MBNL1: variants seen among roughly 807,000 people sequenced by gnomAD.
The protein encoded by MBNL1 is muscleblind like splicing regulator 1.
MBNL1 carries 8 observed loss-of-function variants against 42.2 expected under a neutral mutation model. The ratio of observed to expected loss-of-function variants is 0.19; its 90% CI spans 0.11 to 0.34. The LOEUF (loss-of-function observed/expected upper bound fraction) is 0.34, where lower values mean the gene tolerates loss of function less well. MBNL1 is among the 10% of genes least tolerant of loss of function. MBNL1 has a pLI of 1.00. For missense variants in MBNL1, 309 were observed against 495.3 expected (o/e 0.62, Z 3.57); for synonymous variants, 169 against 173.9 (o/e 0.97, Z 0.22).
At chr3:152,251,944 A>C (rs1037097861) in intron 2 of MBNL1, among the ~76,000 whole-genome samples, 1 of 152,034 alleles carries the variant, frequency 6.6e-6, no homozygotes, top group African/African-American at 2.4e-5. Flanking sequence ...CCACATTTAC[A>C]TTAGTCTTTC....
At chr3:152,384,541 A>G (rs1443961390) in intron 2 of MBNL1, among the ~76,000 whole-genome samples, 1 of 152,126 alleles carries the variant, frequency 6.6e-6, no homozygotes, top group Non-Finnish European at 1.5e-5. Flanking sequence ...ATAGAACAAC[A>G]TATCTTAGAA....
chr3:152,351,055 T>C (rs2094915432), intron 2 of MBNL1, among the ~76,000 whole-genome samples: 1 of 152,024 alleles, frequency 6.6e-6, no homozygotes, highest in Admixed American at 6.6e-5. Context: ...TTCTAATGAA[T>C]GGGGCAGATT....
Position 152,456,378 on chromosome 3 carries a change from C to A in MBNL1, c.1092+17C>A. ...GCCAACCAGGTTTGCTAATTTACAG[C>A]TTTGTTTCTTAAAAAACAACTCTAA... On this transcript the variant is annotated intron_variant, in intron 8 of 9. Transcript: ENST00000324210. The A allele has an allele frequency of 1.2e-6, 2 of 1,606,420 alleles. No individual in the cohort carries two copies. The highest frequency in any genetic ancestry group is 2.2e-5 in the East Asian group (1 of 44,848).
intron 2 of MBNL1, among the ~76,000 whole-genome samples, chr3:152,352,841 G>A (rs956795018): frequency 2.6e-5 from 4 of 152,182 alleles, no homozygotes; most frequent in African/African-American, 9.7e-5. Flanking sequence ...TGCTCACTTA[G>A]TGTTGGTTGA....
chr3:152,275,474 G>T (rs1215121534), intron 1 of MBNL1, among the ~76,000 whole-genome samples: 1 of 152,032 alleles, frequency 6.6e-6, no homozygotes, highest in Non-Finnish European at 1.5e-5. Context: ...ACTTTGGGAG[G>T]CCGAGGCAGG....
rs539349433 is a variant in MBNL1, at chr3:152,328,216, G to A, written c.174+27849G>A. ...GTACAGTTTCTAAAGGCTTGTGAAC[G>A]TTTTATATTGATAGAAAATGTAAGT... On this transcript the variant is annotated intron_variant, in intron 2 of 9. Coordinates refer to ENST00000324210, the MANE Select transcript of MBNL1 (RefSeq NM_021038.5). Among the ~76,000 whole-genome samples, 111 of 152,070 alleles carry A rather than the reference G, an allele frequency of 7.3e-4. 1 individual carries two copies. The highest frequency in any genetic ancestry group is 3.4e-3 in the Middle Eastern group (1 of 294).
At chr3:152,340,749 A>T in intron 2 of MBNL1, 1 of 1,614,072 alleles carries the variant, frequency 6.2e-7, no homozygotes, top group Non-Finnish European at 8.5e-7. Context: ...GCTGAGAAGC[A>T]TCCAGGCCTG....
At chr3:152,457,221 CTGGT>C (rs1479523778) in intron 8 of MBNL1, among the ~76,000 whole-genome samples, 1 of 152,104 alleles carries the variant, frequency 6.6e-6, no homozygotes, top group East Asian at 1.9e-4. Context: ...CTAGAAAATA[CTGGT>C]TGATTTCAAG....
chr3:152,282,154 A>G (rs2048877072), intron 1 of MBNL1, among the ~76,000 whole-genome samples: 1 of 152,178 alleles, frequency 6.6e-6, no homozygotes, highest in Admixed American at 6.6e-5. Flanking sequence ...CCTGTATTGA[A>G]TACAAGTATG....
chr3:152,314,049 A>G (rs1029783016), intron 2 of MBNL1, among the ~76,000 whole-genome samples: 1 of 152,194 alleles, frequency 6.6e-6, no homozygotes, highest in Admixed American at 6.5e-5. Flanking sequence ...CAAATGCTGT[A>G]TTATTTATGT....
At chr3:152,243,932 A>C (rs2032254295) in exon 1 of MBNL1, 1 of 152,156 alleles carries the variant, frequency 6.6e-6, no homozygotes, top group Admixed American at 6.6e-5. Flanking sequence ...CAGTCTCCTG[A>C]GTAAGTGGGA....
chr3:152,292,332 A>G (rs1342151184), intron 1 of MBNL1, among the ~76,000 whole-genome samples: 1 of 152,244 alleles, frequency 6.6e-6, no homozygotes, highest in Non-Finnish European at 1.5e-5. Flanking sequence ...AGGATCAACA[A>G]TCATTTTCTA....
intron 2 of MBNL1, among the ~76,000 whole-genome samples, chr3:152,333,048 G>A (rs190090638): frequency 6.6e-6 from 1 of 152,166 alleles, no homozygotes; most frequent in Admixed American, 6.5e-5. Context: ...ACAGATGATC[G>A]CTGGCTTTCT....
intron 2 of MBNL1, among the ~76,000 whole-genome samples, chr3:152,411,923 A>C (rs369404297): frequency 1.4e-4 from 21 of 152,284 alleles, no homozygotes; most frequent in African/African-American, 4.3e-4. Flanking sequence ...AGTTTTTTCT[A>C]TTATCTCCAT....
At chr3:152,441,754 C>T (rs556060067) in intron 4 of MBNL1, among the ~76,000 whole-genome samples, 2 of 152,298 alleles carry the variant, frequency 1.3e-5, no homozygotes, top group Non-Finnish European at 2.9e-5. Context: ...CTAAATAGAT[C>T]TTATTGTTTT....
At chr3:152,418,086 A>G (rs2098733517) in intron 3 of MBNL1, among the ~76,000 whole-genome samples, 1 of 152,206 alleles carries the variant, frequency 6.6e-6, no homozygotes, top group Non-Finnish European at 1.5e-5. Context: ...AGAATCAGAA[A>G]CCGGACTTAA....
intron 1 of MBNL1, among the ~76,000 whole-genome samples, chr3:152,275,315 C>CT (rs1182580699): frequency 1.3e-5 from 2 of 152,176 alleles, no homozygotes; most frequent in African/African-American, 4.8e-5. Context: ...CAAAGGCCCC[C>CT]TTACTGATGT....
At chr3:152,457,775 T>A in intron 8 of MBNL1, 1 of 226,472 alleles carries the variant, frequency 4.4e-6, no homozygotes, top group Non-Finnish European at 8.9e-6. Flanking sequence ...GCGTCTACCA[T>A]GTATGACTGT....
intron 2 of MBNL1, among the ~76,000 whole-genome samples, chr3:152,325,059 T>G (rs1162781352): frequency 8.4e-6 from 1 of 118,858 alleles, no homozygotes; most frequent in Non-Finnish European, 1.7e-5. Context: ...TGACTTCTTT[T>G]GATGTTCCCA....
Sources: allele counts gnomAD v4.1 joint callset (sites outside exome capture counted in the v4.1 genomes callset), GRCh38; gene constraint gnomAD v4.1.1; transcripts MANE v1.5; gene names NCBI Gene and HGNC (gene_info 2026-07-23, HGNC 2026-07-21).